SLFN12L: variants seen among roughly 807,000 people sequenced by gnomAD.
SLFN12L encodes the protein schlafen family member 12-like.
A neutral mutation model predicts 34.8 loss-of-function variants in SLFN12L; 34 were observed. The observed-to-expected ratio is 0.98, with a 90% CI of 0.74 to 1.30. The LOEUF is 1.30. SLFN12L is among the 50% of genes most tolerant of loss of function. The probability of loss-of-function intolerance (pLI) is 0.00; values close to 1 mark genes in which losing one functional copy is unlikely to be tolerated. For missense variants in SLFN12L, 703 were observed against 696.2 expected, an observed-to-expected ratio of 1.01 and a Z score of -0.11; for synonymous variants, 259 against 247.5, an observed-to-expected ratio of 1.05 and a Z score of -0.44.
intron 2 of SLFN12L, among the ~76,000 whole-genome samples, chr17:35,518,781 A>C (rs1915913171): frequency 6.6e-6 from 1 of 152,202 alleles, no homozygotes; most frequent in African/African-American, 2.4e-5. Flanking sequence ...ATTGTGGAAG[A>C]CAGTGTGGCA....
chr17:35,527,689 G>A (rs185138271), intron 1 of SLFN12L, among the ~76,000 whole-genome samples: 167 of 152,194 alleles, frequency 1.1e-3, no homozygotes, highest in Admixed American at 5.4e-3. Flanking sequence ...ACTAGGTATC[G>A]ATGGAACGTA....
Position 35,500,746 on chromosome 17 carries a change from C to A in SLFN12L, c.87-20551G>T, listed in dbSNP as rs897188484. ...TCTGTCTCAAAAAAAAAAAAAAGAT[C>A]GACCCCTGACCTAACTGGTTATTTT... On this transcript the variant is annotated intron_variant, in intron 2 of 4. Transcript: ENST00000628453. Among the ~76,000 whole-genome samples the A allele has an allele frequency of 3.3e-5, 5 of 150,998 alleles. No individual in the cohort carries two copies. In the South Asian group the frequency reaches 8.4e-4, roughly 25 times the overall value.
At chr17:35,520,228 A>T (rs940983707) in intron 2 of SLFN12L, among the ~76,000 whole-genome samples, 4 of 152,204 alleles carry the variant, frequency 2.6e-5, no homozygotes, top group Admixed American at 2.0e-4. Context: ...CCAACTGACC[A>T]CCTGCTCCAC....
chr17:35,476,947 G>A (rs1202167904), intron 4 of SLFN12L, among the ~76,000 whole-genome samples: 2 of 152,146 alleles, frequency 1.3e-5, no homozygotes, highest in Admixed American at 1.3e-4. Flanking sequence ...AAAAAGACTG[G>A]CAAGTGCTTC....
chr17:35,530,488 G>GAAAGAA (rs2072394481), intron 1 of SLFN12L, among the ~76,000 whole-genome samples: 1 of 48,798 alleles, frequency 2.0e-5, no homozygotes, highest in African/African-American at 5.9e-5. Context: ...AAGAAAGAAA[G>GAAAGAA]AAAGAAAGAA....
At chr17:35,493,128 G>T (rs954739726) in intron 2 of SLFN12L, among the ~76,000 whole-genome samples, 1 of 152,196 alleles carries the variant, frequency 6.6e-6, no homozygotes, top group African/African-American at 2.4e-5. Context: ...GAAGAAAAAC[G>T]AAGGTGCAGA....
At chr17:35,485,646 G>A (rs917273200) in intron 2 of SLFN12L, among the ~76,000 whole-genome samples, 5 of 152,136 alleles carry the variant, frequency 3.3e-5, no homozygotes, top group South Asian at 2.1e-4. Context: ...TTTATAGTTC[G>A]TGGTCTTACA....
rs550303380 is a variant in SLFN12L, at chr17:35,478,434, T to A, written c.1166-249A>T. ...AAAATTAACAGTAAAAATGCATTGA[T>A]AGCAATTTAATACATTGCCATATAA... On this transcript the variant is annotated intron_variant, in intron 3 of 4. Transcript: ENST00000628453. 1.5e-5 allele frequency: 4 copies of A among 266,454 alleles called. No homozygotes were observed. The South Asian group carries it at 2.4e-4, about 16-fold the overall frequency. The allele number at this position is 266,454 out of a possible 1,614,324, so 16.5% of individuals were successfully genotyped here. A position where few individuals can be genotyped will look rare whatever the true frequency, so the allele number is the denominator to read the frequency against.
intron 2 of SLFN12L, chr17:35,490,292 A>C: frequency 6.8e-7 from 1 of 1,479,604 alleles, no homozygotes; most frequent in Admixed American, 1.7e-5. Flanking sequence ...GGGCAAAGGA[A>C]GAGCTGCACT....
intron 2 of SLFN12L, among the ~76,000 whole-genome samples, chr17:35,489,546 C>T (rs1002385415): frequency 6.6e-6 from 1 of 151,868 alleles, no homozygotes; most frequent in African/African-American, 2.4e-5. Context: ...AGAGTGAAAC[C>T]CTGTCCGTAT....
In SLFN12L at chr17:35,471,506, C is replaced by T. The variant is rs548047598; in HGVS notation, c.*3417G>A. On this transcript the variant is annotated 3_prime_UTR_variant, in exon 5 of 5. Coordinates refer to ENST00000628453, the MANE Select transcript of SLFN12L (RefSeq NM_001363830.2). Reference sequence around the variant, plus strand: ...ATACCCAGTAATGGGATTCCTGGGTCAAATGGTATTTCTGGTTCTAGATCC... The same window carrying T: ...ATACCCAGTAATGGGATTCCTGGGTTAAATGGTATTTCTGGTTCTAGATCC... Among the ~76,000 whole-genome samples the T allele has an allele frequency of 5.3e-5, 8 of 152,290 alleles. No homozygotes were observed. The South Asian group carries it at 1.5e-3, about 28-fold the overall frequency.
intron 2 of SLFN12L, among the ~76,000 whole-genome samples, chr17:35,517,501 TC>T (rs1402880833): frequency 1.9e-4 from 29 of 152,248 alleles, no homozygotes; most frequent in African/African-American, 7.0e-4. Flanking sequence ...TCAATGCTAT[TC>T]CCATCAAGCT....
At chr17:35,481,329 G>A (rs1397277103) in intron 2 of SLFN12L, among the ~76,000 whole-genome samples, 2 of 152,196 alleles carry the variant, frequency 1.3e-5, no homozygotes, top group African/African-American at 4.8e-5. Flanking sequence ...AGGCCTGCCC[G>A]CAGCCATCTG....
intron 2 of SLFN12L, among the ~76,000 whole-genome samples, chr17:35,501,593 G>A (rs1283617989): frequency 6.6e-6 from 1 of 152,188 alleles, no homozygotes; most frequent in Non-Finnish European, 1.5e-5. Flanking sequence ...CATGAGGTGT[G>A]AGTGTGGTGT....
chr17:35,492,014 A>T (rs2142141344), intron 2 of SLFN12L, among the ~76,000 whole-genome samples: 1 of 152,322 alleles, frequency 6.6e-6, no homozygotes, highest in East Asian at 1.9e-4. Flanking sequence ...TTTGTAGCAA[A>T]TGCCTACTTA....
chr17:35,474,948 C>CAACA lies in SLFN12L; in HGVS notation c.1810_1813dup (p.Trp605LeufsTer45), dbSNP rs772668173. On this transcript the variant is annotated frameshift_variant, in exon 5 of 5. Coordinates refer to ENST00000628453, the MANE Select transcript of SLFN12L (RefSeq NM_001363830.2). LOFTEE classifies it high-confidence loss of function. Reference sequence around the variant, plus strand: ...TCATCTCAAGAAAAAACAAACAAACCAACAAACAAACAAACAAAAACGAAA... The same window carrying CAACA: ...TCATCTCAAGAAAAAACAAACAAACCAACAAACAAACAAACAAACAAAAACGAAA... 6.5e-7 allele frequency: 1 copy of CAACA among 1,548,438 alleles called. No homozygotes were observed. Among genetic ancestry groups the CAACA allele is most frequent in the Non-Finnish European group, 8.7e-7 (1 of 1,146,158 alleles).
intron 2 of SLFN12L, among the ~76,000 whole-genome samples, chr17:35,483,504 C>T (rs913652953): frequency 2.0e-5 from 3 of 152,170 alleles, no homozygotes; most frequent in Non-Finnish European, 2.9e-5. Flanking sequence ...AGGTCCTCAC[C>T]AGAATCCAAT....
chr17:35,515,218 G>A (rs1415987569), intron 2 of SLFN12L: 6 of 552,854 alleles, frequency 1.1e-5, no homozygotes, highest in Non-Finnish European at 2.1e-5. Flanking sequence ...TGTGGACTGC[G>A]GCGGTGGGGG....
intron 2 of SLFN12L, chr17:35,498,144 C>CGACG: frequency 1.6e-6 from 1 of 619,412 alleles, no homozygotes. Flanking sequence ...GCAGCAGAGA[C>CGACG]GACGGAGGCG....
Sources: gnomAD v4.1 joint callset for allele counts (sites outside exome capture counted in the v4.1 genomes callset) on GRCh38, gnomAD v4.1.1 for gene constraint, MANE v1.5 for transcripts, NCBI Gene and HGNC (gene_info 2026-07-23, HGNC 2026-07-21) for gene names.